The following WDR20 variants were observed in gnomAD, a reference collection of about 807,000 sequenced individuals.
WDR20 encodes the protein WD repeat domain 20.
WDR20 carries 3 observed loss-of-function variants against 38.7 expected under a neutral mutation model. That is an observed-to-expected ratio of 0.08 (90% CI 0.04 to 0.20). WDR20 has a LOEUF of 0.20. Ranked by LOEUF, WDR20 falls within the 10% of genes least tolerant of loss-of-function variation. WDR20 has a pLI of 1.00. For synonymous variants in WDR20, 298 were observed against 285.6 expected (o/e 1.04, Z -0.44); for missense variants, 559 against 727.7 (o/e 0.77, Z 2.67).
chr14:102,192,331 C>T (rs757637335), intron 1 of WDR20, among the ~76,000 whole-genome samples: 2 of 152,024 alleles, frequency 1.3e-5, no homozygotes, highest in Non-Finnish European at 2.9e-5. Context: ...AGGTGCCCAC[C>T]ACCACGCCCG....
intron 1 of WDR20, among the ~76,000 whole-genome samples, chr14:102,173,175 C>A (rs1396832063): frequency 6.6e-6 from 1 of 151,110 alleles, no homozygotes; most frequent in Non-Finnish European, 1.5e-5. Flanking sequence ...TGCAGTGGTA[C>A]CATCTCAGCT....
In WDR20 at chr14:102,209,361, A is replaced by G. The variant is rs947065744; in HGVS notation, c.1191A>G (p.Ala397=). The part of the protein sequence containing the change: ...ILFPHQPLSR[A]RTHTNVMNAT... Reference sequence around the variant, plus strand: ...TCCCTCACCAACCCCTCTCAAGAGCAAGGACACACACAAATGTCATGAATG... The same window carrying G: ...TCCCTCACCAACCCCTCTCAAGAGCGAGGACACACACAAATGTCATGAATG... Residue 397 remains alanine, a synonymous_variant, in exon 3 of 3, where the codon GCA becomes GCG. Coordinates refer to ENST00000342702, the MANE Select transcript of WDR20 (RefSeq NM_144574.4). The surrounding 1 kb of genome is among the most constrained non-coding windows in gnomAD (Gnocchi z 6.0). 4.3e-6 allele frequency: 7 copies of G among 1,614,074 alleles called. No individual in the cohort carries two copies. Among genetic ancestry groups the G allele is most frequent in the Non-Finnish European group, 5.9e-6 (7 of 1,180,052 alleles).
chr14:102,213,165 G>A (rs915833553), downstream of WDR20: 17 of 985,630 alleles, frequency 1.7e-5, no homozygotes, highest in African/African-American at 1.0e-4. Context: ...CTGTGACTGC[G>A]ATGGGGCAGG....
At chr14:102,170,899 T>C (rs1012840953) in intron 1 of WDR20, among the ~76,000 whole-genome samples, 1 of 152,092 alleles carries the variant, frequency 6.6e-6, no homozygotes, top group Non-Finnish European at 1.5e-5. Context: ...TACATAGAAA[T>C]TTGCTTTTTT....
At chr14:102,213,770 T>TC (rs1463657399), downstream of WDR20, 3 of 985,286 alleles carry the variant, frequency 3.0e-6, no homozygotes, top group Non-Finnish European at 3.6e-6. Context: ...CCTCATCACC[T>TC]CTCGCCTGGG....
At chr14:102,173,400 C>T (rs2061374644) in intron 1 of WDR20, among the ~76,000 whole-genome samples, 1 of 150,960 alleles carries the variant, frequency 6.6e-6, no homozygotes, top group South Asian at 2.1e-4. Context: ...AGGTGTGTGC[C>T]ACCGCGCCCG....
In WDR20 at chr14:102,139,991, T is replaced by C; in HGVS notation, c.68T>C (p.Leu23Pro). 6.2e-7 allele frequency: 1 copy of C among 1,614,222 alleles called. No individual in the cohort carries two copies. Reference protein sequence around the residue: ...IKTQFTTREGLYKLLPHSEYS... With the variant: ...IKTQFTTREGPYKLLPHSEYS... ...ACCCAATTCACCACCCGGGAAGGTC[T>C]GTACAAGCTGCTGCCGCACTCGGAG... Residue 23 changes from leucine (L) to proline (P), a missense_variant, in exon 1 of 3, where the codon CTG becomes CCG. Coordinates refer to ENST00000342702, the MANE Select transcript of WDR20 (RefSeq NM_144574.4).
At chr14:102,173,008 C>T (rs940559417) in intron 1 of WDR20, among the ~76,000 whole-genome samples, 6 of 141,074 alleles carry the variant, frequency 4.3e-5, no homozygotes, top group Non-Finnish European at 6.2e-5. Context: ...ACATCTCAGA[C>T]GATGGGCGGC....
downstream of WDR20, among the ~76,000 whole-genome samples, chr14:102,211,245 T>A (rs190597396): frequency 1.3e-3 from 204 of 152,350 alleles, 2 homozygotes; most frequent in Non-Finnish European, 2.1e-3. The surrounding 1 kb of genome is among the most constrained non-coding windows in gnomAD (Gnocchi z 4.2). Context: ...TAATTAAATA[T>A]AGAGACAACG....
At chr14:102,213,196 C>T (rs1195164050), downstream of WDR20, 18 of 985,350 alleles carry the variant, frequency 1.8e-5, no homozygotes, top group Non-Finnish European at 2.2e-5. Flanking sequence ...CTACTGGTGG[C>T]CCTGGAGCCT....
intron 1 of WDR20, among the ~76,000 whole-genome samples, chr14:102,161,940 C>G (rs774395902): frequency 4.3e-4 from 66 of 152,234 alleles, no homozygotes; most frequent in Non-Finnish European, 5.7e-4. Flanking sequence ...TTGGATTAAC[C>G]AGCCCATTCC....
intron 1 of WDR20, among the ~76,000 whole-genome samples, chr14:102,183,729 G>A (rs917904634): frequency 6.6e-6 from 1 of 152,190 alleles, no homozygotes; most frequent in Non-Finnish European, 1.5e-5. Flanking sequence ...CTTAGGATGG[G>A]AACTCTTCTA....
intron 1 of WDR20, among the ~76,000 whole-genome samples, chr14:102,190,695 C>T (rs1368824419): frequency 6.6e-6 from 1 of 151,366 alleles, no homozygotes; most frequent in Non-Finnish European, 1.5e-5. Context: ...CCTACATTGA[C>T]TTGATAGAAA....
At chr14:102,185,493 A>C (rs2064430422) in intron 1 of WDR20, among the ~76,000 whole-genome samples, 1 of 152,122 alleles carries the variant, frequency 6.6e-6, no homozygotes, top group South Asian at 2.1e-4. Context: ...ACGGCGGTGC[A>C]GCAGAAGGCA....
chr14:102,142,228 G>A (rs1311464772), intron 1 of WDR20, among the ~76,000 whole-genome samples: 1 of 152,046 alleles, frequency 6.6e-6, no homozygotes, highest in African/African-American at 2.4e-5. Context: ...AGATACATTT[G>A]CATTGTGTTG....
At chr14:102,190,464 G>A (rs1316360055) in intron 1 of WDR20, among the ~76,000 whole-genome samples, 2 of 149,348 alleles carry the variant, frequency 1.3e-5, no homozygotes, top group South Asian at 2.1e-4. Context: ...GTGGTGGCAG[G>A]CGCCTTTAAT....
chr14:102,155,335 ACTATCT>A (rs1296111098), intron 1 of WDR20, among the ~76,000 whole-genome samples: 2 of 152,242 alleles, frequency 1.3e-5, no homozygotes, highest in Non-Finnish European at 2.9e-5. Flanking sequence ...GACTCATTCT[ACTATCT>A]CTCACATGTG....
In WDR20 at chr14:102,210,204, T is replaced by C. The variant is rs773189848; in HGVS notation, c.*324T>C. 41 of 1,047,878 alleles carry C rather than the reference T, an allele frequency of 3.9e-5. No homozygotes were observed. The highest frequency in any genetic ancestry group is 4.9e-5 in the Admixed American group (1 of 20,284). The allele number at this position is 1,047,878 out of a possible 1,614,324, so 64.9% of individuals were successfully genotyped here. On this transcript the variant is annotated 3_prime_UTR_variant, in exon 3 of 3. Transcript: ENST00000342702. ...TGACCATGTGGGGAAACAATGACTT[T>C]AAAATGCTGAAATTAAAATTTATGC...
Position 102,151,173 on chromosome 14 carries a change from A to ATTTT in WDR20, c.249+11023_249+11026dup, listed in dbSNP as rs534503694. On this transcript the variant is annotated intron_variant, in intron 1 of 2. Transcript: ENST00000342702. The stretch of plus-strand genomic sequence containing the variant: ...TCTCTTCAAAACCATCCATTGGGGA[A>ATTTT]TTTTTTTTTTTTTTTTTTTTTTTTT... Among the ~76,000 whole-genome samples the ATTTT allele has an allele frequency of 3.2e-3, 359 of 111,484 alleles. 4 individuals carry two copies. The highest frequency in any genetic ancestry group is 7.9e-3 in the African/African-American group (202 of 25,450). The allele number at this position is 111,484 out of a possible 152,430, so 73.1% of individuals were successfully genotyped here.
Sources: gnomAD v4.1 joint callset for allele counts (sites outside exome capture counted in the v4.1 genomes callset) on GRCh38, gnomAD v4.1.1 for gene constraint, Gnocchi (gnomAD v3.1) non-coding constraint, MANE v1.5 for transcripts, NCBI Gene and HGNC (gene_info 2026-07-23, HGNC 2026-07-21) for gene names.